The following BMP2K variants were observed in gnomAD, a reference collection of about 807,000 sequenced individuals.
BMP2K encodes BMP2 inducible kinase.
In BMP2K, 74 loss-of-function variants were observed where a neutral mutation model predicts 116.0. That is an observed-to-expected ratio of 0.64 (90% CI 0.53 to 0.77). The LOEUF (loss-of-function observed/expected upper bound fraction) is 0.77, where lower values mean the gene tolerates loss of function less well. Among genes scored for constraint, BMP2K ranks in the 30% least tolerant of loss-of-function variants. The pLI is 0.00. For synonymous variants in BMP2K, 486 were observed against 502.5 expected, an observed-to-expected ratio of 0.97 and a Z score of 0.44; for missense variants, 1,365 against 1,403.6, an observed-to-expected ratio of 0.97 and a Z score of 0.44.
rs1734732575 is a variant in BMP2K, at chr4:78,912,863, TACAGA to T, written c.*837_*841del. On this transcript the variant is annotated 3_prime_UTR_variant, in exon 16 of 16. Transcript: ENST00000502613. ...AAGAAATTATAAGAAGAAAAAAAGATACAGAACAGAAAACATTCACTACTTTAGAA... is the reference window on the plus strand; with the variant it reads ...AAGAAATTATAAGAAGAAAAAAAGATACAGAAAACATTCACTACTTTAGAA... 2 of 152,132 alleles carry T rather than the reference TACAGA, an allele frequency of 1.3e-5. No individual in the cohort carries two copies. Among genetic ancestry groups the T allele is most frequent in the South Asian group, 2.1e-4 (1 of 4,832 alleles). The allele number at this position is 152,132 out of a possible 1,614,324, so 9.4% of individuals were successfully genotyped here.
intron 1 of BMP2K, among the ~76,000 whole-genome samples, chr4:78,785,902 C>T (rs754457869): frequency 2.0e-5 from 3 of 152,160 alleles, no homozygotes; most frequent in Admixed American, 1.3e-4. Context: ...GACTTATGCT[C>T]ATGTCACTCT....
In BMP2K at chr4:78,910,964, A is replaced by G. The variant is rs774691327; in HGVS notation, c.2417A>G (p.Tyr806Cys). Reference sequence around the variant, plus strand: ...GAGAAACATAGCTCTGATTCTGATTATGAGCAGGCTAAAGCAAAGTACAGT... The same window carrying G: ...GAGAAACATAGCTCTGATTCTGATTGTGAGCAGGCTAAAGCAAAGTACAGT... ...EEEKHSSDSD[Y>C]EQAKAKYSDM... is the part of the protein sequence containing the mutation. The change falls in exon 16 of 16, where the codon TAT becomes TGT. Residue 806 changes from tyrosine (Y) to cysteine (C), a missense_variant. Tyr to Cys is a radical substitution (Grantham distance 194). Transcript: ENST00000502613. 1.9e-6 allele frequency: 3 copies of G among 1,613,666 alleles called. No individual in the cohort carries two copies. Among genetic ancestry groups the G allele is most frequent in the Non-Finnish European group, 8.5e-7 (1 of 1,179,780 alleles).
At chr4:78,867,577 AC>A (rs2110054391) in intron 10 of BMP2K, among the ~76,000 whole-genome samples, 1 of 152,306 alleles carries the variant, frequency 6.6e-6, no homozygotes, top group East Asian at 1.9e-4. Context: ...TAAAAATAAT[AC>A]AAAAATTAAC....
At chr4:78,884,718 T>A (rs982559831) in intron 14 of BMP2K, among the ~76,000 whole-genome samples, 1 of 152,174 alleles carries the variant, frequency 6.6e-6, no homozygotes, top group Non-Finnish European at 1.5e-5. Flanking sequence ...AAGGCATAAT[T>A]ACTGGTTTTA....
intron 13 of BMP2K, among the ~76,000 whole-genome samples, chr4:78,878,375 A>G (rs1404250521): frequency 1.3e-5 from 2 of 152,124 alleles, no homozygotes; most frequent in African/African-American, 4.8e-5. Context: ...TTTTTACTAG[A>G]TATTGTTCTC....
rs559063621 is a variant in BMP2K, at chr4:78,807,157, G to A, written c.179-18880G>A. Among the ~76,000 whole-genome samples, 10 of 152,162 alleles carry A rather than the reference G, an allele frequency of 6.6e-5. No individual in the cohort carries two copies. The East Asian group carries it at 1.7e-3, about 26-fold the overall frequency. On this transcript the variant is annotated intron_variant, in intron 1 of 15. Coordinates refer to ENST00000502613, the MANE Select transcript of BMP2K (RefSeq NM_198892.2). ...GGGAGCCACCGTGCCTGGCTGGGTG[G>A]TGGATTATTTTCAAATTTTTTCCCT...
chr4:78,885,681 TTGGATTTTTTCA>T (rs1733042424), intron 14 of BMP2K, among the ~76,000 whole-genome samples: 2 of 152,176 alleles, frequency 1.3e-5, no homozygotes, highest in Admixed American at 6.5e-5. Flanking sequence ...TAAACATGAT[TTGGATTTTTTCA>T]AATGGCTGTG....
intron 1 of BMP2K, among the ~76,000 whole-genome samples, chr4:78,806,617 T>C (rs1728832974): frequency 6.6e-6 from 1 of 152,144 alleles, no homozygotes; most frequent in African/African-American, 2.4e-5. Context: ...GAGACATAAA[T>C]ATATATACCT....
In BMP2K at chr4:78,776,713, T is replaced by C; in HGVS notation, c.170T>C (p.Leu57Pro). ...CACCAGGTCACCCTGGAAGAGTCGC[T>C]GGCCGAAGGTACGGGCGCCCGGGGA... The part of the protein sequence containing the change: ...GRHQVTLEES[L>P]AEGGFSTVFL... The change falls in exon 1 of 16, where the codon CTG becomes CCG. Residue 57 changes from leucine (L) to proline (P), a missense_variant. Coordinates refer to ENST00000502613, the MANE Select transcript of BMP2K (RefSeq NM_198892.2). The C allele has an allele frequency of 7.9e-7, 1 of 1,267,330 alleles. No individual in the cohort carries two copies. Among genetic ancestry groups the C allele is most frequent in the Non-Finnish European group, 1.0e-6 (1 of 1,002,418 alleles). 78.5% of individuals were successfully genotyped at this position (1,267,330 alleles called of 1,614,324 possible). A position where few individuals can be genotyped will look rare whatever the true frequency, so the allele number is the denominator to read the frequency against.
chr4:78,818,577 GT>G (rs1452218583), intron 1 of BMP2K, among the ~76,000 whole-genome samples: 1 of 152,108 alleles, frequency 6.6e-6, no homozygotes, highest in Non-Finnish European at 1.5e-5. Context: ...TTAAAAAAGT[GT>G]TTTATAAGCT....
chr4:78,910,572 C>T (rs763765234), intron 15 of BMP2K, 38 bp from the exon 16 acceptor site: 2 of 1,414,268 alleles, frequency 1.4e-6, no homozygotes, highest in Non-Finnish European at 1.9e-6. Flanking sequence ...TTCTGAAATG[C>T]ATTGGAATGC....
intron 15 of BMP2K, among the ~76,000 whole-genome samples, chr4:78,892,335 T>C (rs1733483135): frequency 6.6e-6 from 1 of 152,232 alleles, no homozygotes; most frequent in Admixed American, 6.5e-5. Flanking sequence ...AAGAAATTTG[T>C]ACATTTCACT....
chr4:78,778,980 T>C (rs1273701316), intron 1 of BMP2K, among the ~76,000 whole-genome samples: 1 of 152,236 alleles, frequency 6.6e-6, no homozygotes, highest in Non-Finnish European at 1.5e-5. Context: ...CCAGGAAGAC[T>C]CAGTAGATAC....
intron 1 of BMP2K, among the ~76,000 whole-genome samples, chr4:78,821,192 G>A (rs1439193172): frequency 1.3e-5 from 2 of 152,000 alleles, no homozygotes; most frequent in South Asian, 2.1e-4. Flanking sequence ...TTCTTTGAAC[G>A]TCTGATCATC....
At chr4:78,785,925 A>G (rs888902573) in intron 1 of BMP2K, among the ~76,000 whole-genome samples, 1 of 152,120 alleles carries the variant, frequency 6.6e-6, no homozygotes, top group Non-Finnish European at 1.5e-5. Context: ...TACTTGCCTA[A>G]CCAAGTAAAG....
In BMP2K at chr4:78,911,184, C is replaced by A; in HGVS notation, c.2637C>A (p.Asn879Lys). The A allele has an allele frequency of 6.2e-7, 1 of 1,613,718 alleles. No individual in the cohort carries two copies. The highest frequency in any genetic ancestry group is 8.5e-7 in the Non-Finnish European group (1 of 1,179,800). Residue 879 changes from asparagine (N) to lysine (K), a missense_variant, in exon 16 of 16, where the codon AAC becomes AAA. By Grantham distance (94) the Asn-to-Lys change is moderately conservative. Around this residue, in one of 3 missense-constraint regions of BMP2K, gnomAD observed 596 missense variants for 623.2 expected, o/e 0.96. Transcript: ENST00000502613. ...QQPQQEKNEK[N>K]LPQHRFPAAG... ...CCCAGCAAGAAAAGAATGAAAAGAA[C>A]CTCCCTCAACACAGGTTTCCTGCTG... is the stretch of plus-strand genomic sequence containing the variant.
intron 1 of BMP2K, among the ~76,000 whole-genome samples, chr4:78,824,669 A>G (rs1729785964): frequency 6.6e-6 from 1 of 152,088 alleles, no homozygotes. Flanking sequence ...TTTTCCTTTT[A>G]CAACTCTGTA....
At chr4:78,839,909 G>T (rs779010396) in intron 3 of BMP2K, among the ~76,000 whole-genome samples, 4 of 152,022 alleles carry the variant, frequency 2.6e-5, no homozygotes, top group South Asian at 2.1e-4. Context: ...GCCTTTCCCG[G>T]CCCGCTGACT....
chr4:78,819,551 TTAGAA>T (rs1286455675), intron 1 of BMP2K, among the ~76,000 whole-genome samples: 2 of 152,264 alleles, frequency 1.3e-5, no homozygotes, highest in Middle Eastern at 3.4e-3. Context: ...CATTTATTCT[TTAGAA>T]TAGTCCTATG....
Sources: gnomAD v4.1 joint callset for allele counts (sites outside exome capture counted in the v4.1 genomes callset) on GRCh38, gnomAD v4.1.1 for gene constraint, gnomAD v4.1.1 regional missense constraint, MANE v1.5 for transcripts, NCBI Gene and HGNC (gene_info 2026-07-23, HGNC 2026-07-21) for gene names.